Variants in FAM120B observed in about 807,000 individuals in gnomAD.
FAM120B encodes the protein family with sequence similarity 120 member B, also known as constitutive coactivator of peroxisome proliferator-activated receptor gamma.
FAM120B carries 83 observed loss-of-function variants against 96.3 expected under a neutral mutation model. The ratio of observed to expected loss-of-function variants is 0.86; its 90% CI spans 0.72 to 1.03. FAM120B has a LOEUF of 1.03. FAM120B is among the 50% of genes least tolerant of loss of function. FAM120B has a pLI of 0.00. For synonymous variants in FAM120B, 407 were observed against 402.7 expected, an observed-to-expected ratio of 1.01 and a Z score of -0.13; for missense variants, 1,027 against 1,121.2, an observed-to-expected ratio of 0.92 and a Z score of 1.20.
chr6:170,361,536 A>G (rs111769630), intron 6 of FAM120B, among the ~76,000 whole-genome samples: 135 of 152,224 alleles, frequency 8.9e-4, no homozygotes, highest in African/African-American at 3.1e-3. Flanking sequence ...TCTGGATACC[A>G]AGGACAGGCC....
intron 2 of FAM120B, among the ~76,000 whole-genome samples, chr6:170,320,231 C>G (rs181301111): frequency 6.6e-6 from 1 of 152,200 alleles, no homozygotes; most frequent in Non-Finnish European, 1.5e-5. Flanking sequence ...AGCTCCTGCT[C>G]CTAGTCTGAT....
At chr6:170,351,755 C>T (rs540523035) in intron 5 of FAM120B, among the ~76,000 whole-genome samples, 2 of 152,274 alleles carry the variant, frequency 1.3e-5, no homozygotes, top group East Asian at 3.9e-4. Flanking sequence ...AATTTGTCAC[C>T]AACAGGCTTG....
intron 1 of FAM120B, among the ~76,000 whole-genome samples, chr6:170,296,135 C>T (rs1783998637): frequency 6.6e-6 from 1 of 152,150 alleles, no homozygotes; most frequent in Non-Finnish European, 1.5e-5. Context: ...GCAGCAGCTG[C>T]TGCGGGCCCG....
intron 7 of FAM120B, among the ~76,000 whole-genome samples, chr6:170,390,803 A>C (rs1337341567): frequency 4.6e-5 from 7 of 152,136 alleles, no homozygotes; most frequent in African/African-American, 1.7e-4. Context: ...GATTTAGGAG[A>C]ATATGTTCTC....
intron 6 of FAM120B, among the ~76,000 whole-genome samples, chr6:170,372,282 C>T (rs921304228): frequency 6.6e-6 from 1 of 152,238 alleles, no homozygotes; most frequent in Admixed American, 6.5e-5. Context: ...TGCTTACATA[C>T]ACTATTTTAA....
upstream of FAM120B, among the ~76,000 whole-genome samples, chr6:170,292,710 CG>C (rs1297959184): frequency 6.6e-6 from 1 of 152,240 alleles, no homozygotes; most frequent in Non-Finnish European, 1.5e-5. The surrounding 1 kb of genome is among the most constrained non-coding windows in gnomAD (Gnocchi z 6.6). Flanking sequence ...GCAGGCCCTC[CG>C]GCTGCTACGC....
At chr6:170,399,816 G>C (rs4710808) in intron 9 of FAM120B, among the ~76,000 whole-genome samples, 49,320 of 62,286 alleles carry the variant, frequency 0.79, 19,196 homozygotes, top group African/African-American at 0.88. Flanking sequence ...TATGTCATAA[G>C]CCTTAGGAGT....
At chr6:170,366,075 C>T (rs752621992) in intron 6 of FAM120B, among the ~76,000 whole-genome samples, 9 of 152,166 alleles carry the variant, frequency 5.9e-5, no homozygotes, top group Admixed American at 2.6e-4. Context: ...GATAAATAAG[C>T]AAAATGTAGA....
In FAM120B at chr6:170,377,899, G is replaced by A. The variant is rs1486995850; in HGVS notation, c.2284-10388G>A. On this transcript the variant is annotated intron_variant, in intron 6 of 10. Transcript: ENST00000476287. ...ACGCTGCTCGGTGCTGTGCACACGC[G>A]TCCCTAAACCCAGACGCCTGGGAGA... Among the ~76,000 whole-genome samples, 3 of 109,244 alleles carry A rather than the reference G, an allele frequency of 2.7e-5. 1 individual carries two copies. The highest frequency in any genetic ancestry group is 1.7e-4 in the Admixed American group (2 of 11,700). 71.7% of individuals were successfully genotyped at this position (109,244 alleles called of 152,430 possible). A position where few individuals can be genotyped will look rare whatever the true frequency, so the allele number is the denominator to read the frequency against.
intron 4 of FAM120B, among the ~76,000 whole-genome samples, chr6:170,331,148 T>C (rs1786008856): frequency 6.6e-6 from 1 of 152,216 alleles, no homozygotes; most frequent in African/African-American, 2.4e-5. Flanking sequence ...AGCCTTTCTT[T>C]CTGTGAGTTC....
chr6:170,300,823 A>G (rs959675773), intron 1 of FAM120B, among the ~76,000 whole-genome samples: 8 of 152,188 alleles, frequency 5.3e-5, no homozygotes, highest in Non-Finnish European at 1.0e-4. Flanking sequence ...TTTCACATCC[A>G]TGTCACACTG....
chr6:170,313,946 C>T (rs533465968), intron 1 of FAM120B, among the ~76,000 whole-genome samples: 51 of 152,318 alleles, frequency 3.3e-4, no homozygotes, highest in African/African-American at 1.1e-3. Context: ...TCCAGAGTGA[C>T]GCCAGATGAG....
intron 3 of FAM120B, among the ~76,000 whole-genome samples, chr6:170,325,949 C>T (rs1338479253): frequency 1.3e-5 from 2 of 151,872 alleles, no homozygotes; most frequent in East Asian, 3.8e-4. Context: ...TTAACATCAC[C>T]ATTTACTATC....
chr6:170,306,224 G>A (rs1302362384), upstream of FAM120B, among the ~76,000 whole-genome samples: 1 of 152,162 alleles, frequency 6.6e-6, no homozygotes, highest in African/African-American at 2.4e-5. Flanking sequence ...GGAGGCGAGG[G>A]TCGAACGCCA....
At chr6:170,292,587 T>G (rs1783909796), upstream of FAM120B, among the ~76,000 whole-genome samples, 1 of 152,174 alleles carries the variant, frequency 6.6e-6, no homozygotes, top group Admixed American at 6.5e-5. The surrounding 1 kb of genome is among the most constrained non-coding windows in gnomAD (Gnocchi z 6.6). Context: ...GAACGAGACT[T>G]TCATCCCGGC....
At chr6:170,320,557 G>A (rs1463104708) in intron 2 of FAM120B, among the ~76,000 whole-genome samples, 4 of 152,202 alleles carry the variant, frequency 2.6e-5, no homozygotes, top group South Asian at 2.1e-4. Flanking sequence ...CTTGAGTACC[G>A]GCGATGGTAG....
chr6:170,322,925 G>C (rs533306663), intron 2 of FAM120B, among the ~76,000 whole-genome samples, 154 bp from the exon 3 acceptor site: 1 of 152,202 alleles, frequency 6.6e-6, no homozygotes, highest in South Asian at 2.1e-4. Context: ...AAAGGAAAGA[G>C]AACATGGCAA....
intron 4 of FAM120B, among the ~76,000 whole-genome samples, chr6:170,331,033 C>T (rs1006814567): frequency 2.0e-5 from 3 of 152,130 alleles, no homozygotes; most frequent in Non-Finnish European, 4.4e-5. Flanking sequence ...GGGTTATTTC[C>T]ACTGGAAAAA....
At chr6:170,375,692 A>G (rs1789468004) in intron 6 of FAM120B, among the ~76,000 whole-genome samples, 1 of 152,180 alleles carries the variant, frequency 6.6e-6, no homozygotes, top group Non-Finnish European at 1.5e-5. Flanking sequence ...AAGATATGGC[A>G]AGGAGGTCCT....
Sources: gnomAD v4.1 joint callset for allele counts (sites outside exome capture counted in the v4.1 genomes callset) on GRCh38, gnomAD v4.1.1 for gene constraint, Gnocchi (gnomAD v3.1) non-coding constraint, MANE v1.5 for transcripts, NCBI Gene and HGNC (gene_info 2026-07-23, HGNC 2026-07-21) for gene names.